PHF12: variants seen among roughly 807,000 people sequenced by gnomAD.
PHF12 encodes PHD factor 1.
A neutral mutation model predicts 99.8 loss-of-function variants in PHF12; 6 were observed. The observed-to-expected ratio is 0.06, with a 90% confidence interval of 0.03 to 0.12. The LOEUF is 0.12. PHF12 is among the 10% of genes least tolerant of loss of function. The probability of loss-of-function intolerance (pLI) is 1.00; values close to 1 mark genes in which losing one functional copy is unlikely to be tolerated. For synonymous variants in PHF12, 480 were observed against 514.9 expected (o/e 0.93, Z 0.92); for missense variants, 954 against 1,300.1 (o/e 0.73, Z 4.09).
chr17:28,908,725 T>C, intron 12 of PHF12, 58 bp downstream of exon 12: 1 of 1,543,008 alleles, frequency 6.5e-7, no homozygotes, highest in Non-Finnish European at 8.9e-7. Context: ...TGGGTAAGGG[T>C]GTCAGTCTTT....
intron 2 of PHF12, among the ~76,000 whole-genome samples, chr17:28,933,432 T>C (rs1404598314): frequency 2.6e-5 from 4 of 152,244 alleles, no homozygotes; most frequent in African/African-American, 9.6e-5. Context: ...AGCCACTAAG[T>C]AGCAGAACTG....
chr17:28,913,300 G>T lies in PHF12; in HGVS notation c.1294-23C>A, dbSNP rs757264278. 8 of 1,580,754 alleles carry T rather than the reference G, an allele frequency of 5.1e-6. No homozygotes were observed. In the African/African-American group the frequency reaches 5.4e-5, roughly 11 times the overall value. ...CCACTGCAATGGAAGGAGAGGAGAG[G>T]GGGGTGAGAAGCCTGAGAGGCGCCG... On this transcript the variant is annotated intron_variant, in intron 8 of 14. Coordinates refer to ENST00000332830, the MANE Select transcript of PHF12 (RefSeq NM_001033561.2).
At position 28,951,227 on chromosome 17, in the gene PHF12, C is replaced by T. The variant is rs888584177; in HGVS notation, c.-267G>A. ...GTGGGTCCCGGCTCCGGGGGTCAGG[C>T]CTCGGCGGGGCCTAGTCCCACAGGC... On this transcript the variant is annotated 5_prime_UTR_variant, in exon 1 of 15. Transcript: ENST00000332830. 32 of 1,343,720 alleles carry T rather than the reference C, an allele frequency of 2.4e-5. No individual in the cohort carries two copies. In the East Asian group the frequency reaches 9.0e-4, roughly 38 times the overall value. The allele number at this position is 1,343,720 out of a possible 1,614,324, so 83.2% of individuals were successfully genotyped here. A position where few individuals can be genotyped will look rare whatever the true frequency, so the allele number is the denominator to read the frequency against.
In PHF12 at chr17:28,951,012, G is replaced by T. The variant is rs1274582200; in HGVS notation, c.-52C>A. 1 of 1,610,492 alleles carries T rather than the reference G, an allele frequency of 6.2e-7. No individual in the cohort carries two copies. Among genetic ancestry groups the T allele is most frequent in the Non-Finnish European group, 8.5e-7 (1 of 1,178,070 alleles). On this transcript the variant is annotated 5_prime_UTR_variant, in exon 1 of 15. Coordinates refer to ENST00000332830, the MANE Select transcript of PHF12 (RefSeq NM_001033561.2). ...TCTGCTCCGGCCCCCCCAACCCCGG[G>T]GGGAGGGGGGAGGTGAGGGGAGGGG...
chr17:28,940,776 G>A (rs1196765971), intron 2 of PHF12, among the ~76,000 whole-genome samples: 9 of 152,178 alleles, frequency 5.9e-5, no homozygotes, highest in Non-Finnish European at 1.0e-4. Flanking sequence ...CTGTGCATGC[G>A]TCCTGGGCAT....
At chr17:28,924,343 T>C (rs1245082151) in intron 3 of PHF12, 41 bp from the exon 4 acceptor site, 12 of 1,613,260 alleles carry the variant, frequency 7.4e-6, no homozygotes, top group Non-Finnish European at 9.3e-6. Flanking sequence ...AAAAGTACCA[T>C]GAAACAAAGA....
Position 28,911,136 on chromosome 17 carries a change from G to T in PHF12, c.2191C>A (p.Arg731=), listed in dbSNP as rs1212819775. 1 of 1,614,180 alleles carries T rather than the reference G, an allele frequency of 6.2e-7. No homozygotes were observed. The highest frequency in any genetic ancestry group is 8.5e-7 in the Non-Finnish European group (1 of 1,180,026). ...CCTCCATTGACATCCATAAATGCTC[G>T]AAGTGAGTTGGTGAGGTCCACCATG... ...TAMVDLTNSL[R]AFMDVNGEIE... The change falls in exon 10 of 15, where the codon CGA becomes AGA. Residue 731 remains arginine (R), a synonymous_variant. Coordinates refer to ENST00000332830, the MANE Select transcript of PHF12 (RefSeq NM_001033561.2).
In PHF12 at chr17:28,906,758, T is replaced by C. The variant is rs934226122; in HGVS notation, c.2680+98A>G. 2 of 1,477,064 alleles carry C rather than the reference T, an allele frequency of 1.4e-6. No homozygotes were observed. The highest frequency in any genetic ancestry group is 1.3e-5 in the South Asian group (1 of 75,626). 91.5% of individuals were successfully genotyped at this position (1,477,064 alleles called of 1,614,324 possible). ...CCACGAGGAAGTAGAGCTTGGCCAA[T>C]AGGACTGGGAAGGCAAGAGACAGAC... On this transcript the variant is annotated intron_variant, in intron 14 of 14. Coordinates refer to ENST00000332830, the MANE Select transcript of PHF12 (RefSeq NM_001033561.2). This position sits in a 1 kb window ranked among gnomAD's most constrained non-coding sequence, Gnocchi z 4.2.
intron 9 of PHF12, among the ~76,000 whole-genome samples, chr17:28,911,829 T>A (rs2039966451): frequency 6.6e-6 from 1 of 152,080 alleles, no homozygotes; most frequent in African/African-American, 2.4e-5. Context: ...AACTTCAAGG[T>A]CCTGAGTGCT....
chr17:28,912,011 A>C, intron 9 of PHF12: 3 of 860,432 alleles, frequency 3.5e-6, no homozygotes, highest in Middle Eastern at 5.8e-4. Context: ...GCTTCCTGAC[A>C]TGGAAGTTCA....
chr17:28,906,706 C>G lies in PHF12; in HGVS notation c.2680+150G>C. ...TGTACACACATGGGGGTACTCAGCACTTGCTTCTCTGTGGCCTGCCCTGGG... is the reference window on the plus strand; with the variant it reads ...TGTACACACATGGGGGTACTCAGCAGTTGCTTCTCTGTGGCCTGCCCTGGG... On this transcript the variant is annotated intron_variant, in intron 14 of 14. Transcript: ENST00000332830. This position sits in a 1 kb window ranked among gnomAD's most constrained non-coding sequence, Gnocchi z 4.2. The G allele has an allele frequency of 1.5e-6, 2 of 1,316,272 alleles. No homozygotes were observed. The highest frequency in any genetic ancestry group is 2.1e-6 in the Non-Finnish European group (2 of 967,880). 81.5% of individuals were successfully genotyped at this position (1,316,272 alleles called of 1,614,324 possible). A position where few individuals can be genotyped will look rare whatever the true frequency, so the allele number is the denominator to read the frequency against.
In PHF12 at chr17:28,912,918, G is replaced by A. The variant is rs2039991750; in HGVS notation, c.1653C>T (p.His551=). 6.2e-7 allele frequency: 1 copy of A among 1,614,248 alleles called. No homozygotes were observed. ...VNTEVKANGP[H]LYSSPTDSTD... ...TGGAATCAGTAGGGCTGCTGTAGAG[G>A]TGTGGGCCATTAGCTTTCACCTCTG... The change falls in exon 9 of 15, where the codon CAC becomes CAT. Residue 551 remains histidine, a synonymous_variant. Transcript: ENST00000332830.
chr17:28,931,834 G>A (rs1028716702), intron 2 of PHF12, among the ~76,000 whole-genome samples: 6 of 151,168 alleles, frequency 4.0e-5, no homozygotes, highest in South Asian at 4.2e-4. Context: ...TGCCTACCTC[G>A]GCCTCCCAAA....
rs576235411 is a variant in PHF12 at position 28,906,736 on chromosome 17, C to G, written c.2680+120G>C. ...TTCTCTGTGGCCTGCCCTGGGCCCA[C>G]GAGGAAGTAGAGCTTGGCCAATAGG... On this transcript the variant is annotated intron_variant, in intron 14 of 14. Transcript: ENST00000332830. The surrounding 1 kb of genome is among the most constrained non-coding windows in gnomAD (Gnocchi z 4.2). The G allele has an allele frequency of 2.0e-5, 29 of 1,431,900 alleles. No homozygotes were observed. Among genetic ancestry groups the G allele is most frequent in the Non-Finnish European group, 2.4e-5 (26 of 1,062,274 alleles). 88.7% of individuals were successfully genotyped at this position (1,431,900 alleles called of 1,614,324 possible).
chr17:28,946,046 G>A (rs546533785), intron 2 of PHF12, among the ~76,000 whole-genome samples: 2 of 152,338 alleles, frequency 1.3e-5, no homozygotes, highest in African/African-American at 4.8e-5. Context: ...TGAGAAAGGA[G>A]AATTGCTTGA....
chr17:28,912,533 T>C lies in PHF12; in HGVS notation c.2038A>G (p.Ile680Val). Residue 680 changes from isoleucine (I) to valine (V), a missense_variant, in exon 9 of 15, where the codon ATC becomes GTC. Ile to Val is a conservative substitution (Grantham distance 29). Transcript: ENST00000332830. ...CGTTGGTTGGCTGTTGTGGCCAAGA[T>C]ACCATCTCCTGCTGCTTGCGGGGGA... ...LTPPQAAGDG[I>V]LATTANQRFS... 2 of 1,612,332 alleles carry C rather than the reference T, an allele frequency of 1.2e-6. No homozygotes were observed. Among genetic ancestry groups the C allele is most frequent in the Non-Finnish European group, 1.7e-6 (2 of 1,178,438 alleles).
intron 4 of PHF12, among the ~76,000 whole-genome samples, chr17:28,923,012 A>G (rs1238417350): frequency 6.6e-6 from 1 of 151,634 alleles, no homozygotes; most frequent in Admixed American, 6.6e-5. Context: ...CTGTGGTCAC[A>G]CCACTGCACC....
In PHF12 at chr17:28,911,210, G is replaced by A. The variant is rs1332824318; in HGVS notation, c.2117C>T (p.Ser706Phe). The A allele has an allele frequency of 1.2e-6, 2 of 1,614,164 alleles. No individual in the cohort carries two copies. The highest frequency in any genetic ancestry group is 1.7e-6 in the Non-Finnish European group (2 of 1,180,022). The change falls in exon 10 of 15, where the codon TCC becomes TTC. Residue 706 changes from serine to phenylalanine, a missense_variant. Physicochemically the swap from Ser to Phe is radical, Grantham distance 155. Coordinates refer to ENST00000332830, the MANE Select transcript of PHF12 (RefSeq NM_001033561.2). ...SDGKVSPGTL[S>F]IGSALTVPSF... ...GGGTACGGTTAAAGCGCTTCCTATG[G>A]ATAACGTGCCGGGGCTGACCTTGCC...
At chr17:28,907,728 A>G in intron 12 of PHF12, 56 bp from the exon 13 acceptor site, 1 of 1,544,622 alleles carries the variant, frequency 6.5e-7, no homozygotes, top group Non-Finnish European at 8.9e-7. Flanking sequence ...TGTAAGGTGC[A>G]TGTGTCGGGG....
Sources: allele counts gnomAD v4.1 joint callset (sites outside exome capture counted in the v4.1 genomes callset), GRCh38; gene constraint gnomAD v4.1.1; non-coding constraint Gnocchi (gnomAD v3.1); transcripts MANE v1.5; gene names NCBI Gene and HGNC (gene_info 2026-07-23, HGNC 2026-07-21).